RUNX1T1: variants seen among roughly 807,000 people sequenced by gnomAD.
RUNX1T1 encodes protein CBFA2T1.
Under a neutral mutation model 62.8 loss-of-function variants are expected in RUNX1T1, and 4 were observed. The ratio of observed to expected loss-of-function variants is 0.06; its 90% confidence interval spans 0.03 to 0.15. The LOEUF (loss-of-function observed/expected upper bound fraction) is 0.15. RUNX1T1 is among the 10% of genes least tolerant of loss of function. The pLI is 1.00. For synonymous variants in RUNX1T1, 291 were observed against 286.0 expected (o/e 1.02, Z -0.18); for missense variants, 508 against 754.3 (o/e 0.67, Z 3.82).
chr8:92,034,780 A>ACG (rs1491406239), intron 1 of RUNX1T1, among the ~76,000 whole-genome samples: 11 of 118,516 alleles, frequency 9.3e-5, no homozygotes, highest in African/African-American at 3.6e-4. Flanking sequence ...ATATATACAC[A>ACG]TATATATATA....
chr8:91,990,048 A>G (rs1817343005), intron 6 of RUNX1T1, among the ~76,000 whole-genome samples: 4 of 152,048 alleles, frequency 2.6e-5, no homozygotes, highest in Admixed American at 1.3e-4. Context: ...TCTGCTTTCT[A>G]AACATTTGGG....
At chr8:92,005,655 T>C (rs1281214644) in intron 4 of RUNX1T1, 1 of 188,204 alleles carries the variant, frequency 5.3e-6, no homozygotes, top group Non-Finnish European at 1.1e-5. Flanking sequence ...ACAGGGAAGA[T>C]AGAGGGTATA....
downstream of RUNX1T1, chr8:91,957,466 G>A: frequency 4.3e-6 from 1 of 231,616 alleles, no homozygotes; most frequent in Non-Finnish European, 8.5e-6. Flanking sequence ...AGGGGAAGGA[G>A]GAAGAGGAAT....
chr8:92,088,660 A>T (rs2130880641), intron 1 of RUNX1T1, among the ~76,000 whole-genome samples: 1 of 152,266 alleles, frequency 6.6e-6, no homozygotes, highest in South Asian at 2.1e-4. Flanking sequence ...TTCTCCAAAA[A>T]GTCTAGTGGA....
upstream of RUNX1T1, among the ~76,000 whole-genome samples, chr8:92,102,622 A>T (rs904910752): frequency 6.6e-6 from 1 of 152,038 alleles, no homozygotes; most frequent in Non-Finnish European, 1.5e-5. This position sits in a 1 kb window ranked among gnomAD's most constrained non-coding sequence, Gnocchi z 4.5. Flanking sequence ...TAATAGTAAA[A>T]ACTGCATCCT....
At chr8:91,998,926 C>T (rs117011423) in intron 5 of RUNX1T1, among the ~76,000 whole-genome samples, 3,325 of 152,116 alleles carry the variant, frequency 0.022, 57 homozygotes, top group Non-Finnish European at 0.031. Flanking sequence ...GGAAGAGAGA[C>T]CATTTAATAC....
chr8:92,001,321 G>A (rs1246744302), intron 5 of RUNX1T1, among the ~76,000 whole-genome samples: 6 of 152,156 alleles, frequency 3.9e-5, no homozygotes, highest in Admixed American at 3.9e-4. Flanking sequence ...CATGAGCCCA[G>A]GAGTTTGAGA....
intron 1 of RUNX1T1, among the ~76,000 whole-genome samples, chr8:92,040,629 G>A (rs959075901): frequency 3.9e-5 from 6 of 152,164 alleles, no homozygotes; most frequent in Non-Finnish European, 5.9e-5. Flanking sequence ...TGGCTCTACT[G>A]TGCTTTCAAA....
chr8:92,001,855 T>C (rs558841758), intron 5 of RUNX1T1, among the ~76,000 whole-genome samples: 1 of 152,328 alleles, frequency 6.6e-6, no homozygotes, highest in East Asian at 1.9e-4. Context: ...TCTTTAAATC[T>C]TAATAATTTT....
chr8:92,093,147 C>T (rs1171533692), intron 1 of RUNX1T1, among the ~76,000 whole-genome samples: 2 of 152,152 alleles, frequency 1.3e-5, no homozygotes, highest in East Asian at 3.8e-4. Flanking sequence ...AGAAACCTAA[C>T]ATTTTCATGA....
chr8:91,982,290 C>CA (rs1271642471), intron 8 of RUNX1T1, among the ~76,000 whole-genome samples: 1 of 142,198 alleles, frequency 7.0e-6, no homozygotes, highest in African/African-American at 2.6e-5. Context: ...TTCTAGAAAA[C>CA]AAAAAGAGCG....
chr8:92,029,460 C>T (rs1033231757), intron 1 of RUNX1T1, among the ~76,000 whole-genome samples: 1 of 152,100 alleles, frequency 6.6e-6, no homozygotes, highest in African/African-American at 2.4e-5. Context: ...TAACACAGCT[C>T]AGTAAGATGC....
chr8:92,017,233 C>T (rs751542482), exon 2 of RUNX1T1: 11 of 1,602,482 alleles, frequency 6.9e-6, no homozygotes, highest in East Asian at 4.5e-5. Context: ...TACACGTTGT[C>T]GGTGTAAATG....
intron 5 of RUNX1T1, among the ~76,000 whole-genome samples, chr8:91,994,189 C>T (rs1818239095): frequency 6.6e-6 from 1 of 152,162 alleles, no homozygotes; most frequent in Admixed American, 6.5e-5. Context: ...TATGTGTCTA[C>T]ACTAAAACAT....
At chr8:91,975,533 A>C (rs1439779549) in intron 9 of RUNX1T1, among the ~76,000 whole-genome samples, 3 of 149,696 alleles carry the variant, frequency 2.0e-5, no homozygotes, top group African/African-American at 7.4e-5. Flanking sequence ...TATGCAATTT[A>C]ATTTCTAAGA....
intron 1 of RUNX1T1, among the ~76,000 whole-genome samples, chr8:92,059,863 A>C (rs1419235350): frequency 2.0e-5 from 3 of 152,164 alleles, no homozygotes; most frequent in Non-Finnish European, 4.4e-5. Flanking sequence ...AGTTCCAGGC[A>C]CATCTGGAGA....
At chr8:91,980,342 T>A (rs1814949741) in intron 8 of RUNX1T1, among the ~76,000 whole-genome samples, 1 of 152,200 alleles carries the variant, frequency 6.6e-6, no homozygotes, top group Non-Finnish European at 1.5e-5. Context: ...AACATTTACA[T>A]GCAAATATAC....
chr8:92,016,997 G>A (rs1180191470), intron 2 of RUNX1T1, among the ~76,000 whole-genome samples: 1 of 152,050 alleles, frequency 6.6e-6, no homozygotes, highest in Non-Finnish European at 1.5e-5. Context: ...CTGCAACTTC[G>A]AAGCAATAAT....
chr8:92,001,152 A>G (rs983385754), intron 5 of RUNX1T1, among the ~76,000 whole-genome samples: 1 of 152,070 alleles, frequency 6.6e-6, no homozygotes, highest in African/African-American at 2.4e-5. Flanking sequence ...ATAGCGAGAC[A>G]CTGTCTTAAA....
Sources: allele counts gnomAD v4.1 joint callset (sites outside exome capture counted in the v4.1 genomes callset), GRCh38; gene constraint gnomAD v4.1.1; non-coding constraint Gnocchi (gnomAD v3.1); transcripts MANE v1.5; gene names NCBI Gene and HGNC (gene_info 2026-07-23, HGNC 2026-07-21).